Variants in BPTF observed in about 807,000 individuals in gnomAD.
BPTF encodes the protein nucleosome-remodeling factor subunit BPTF.
In BPTF, 18 loss-of-function variants were observed where a neutral mutation model predicts 292.5. That is an observed-to-expected ratio of 0.06 (90% confidence interval 0.04 to 0.09). The LOEUF (loss-of-function observed/expected upper bound fraction) is 0.09. BPTF is among the 10% of genes least tolerant of loss of function. BPTF has a pLI of 1.00. For missense variants in BPTF, 2,726 were observed against 3,498.7 expected (o/e 0.78, Z 5.57); for synonymous variants, 1,225 against 1,251.9 (o/e 0.98, Z 0.45).
intron 1 of BPTF, among the ~76,000 whole-genome samples, chr17:67,852,423 T>C (rs1446850766): frequency 6.6e-6 from 1 of 151,582 alleles, no homozygotes; most frequent in Non-Finnish European, 1.5e-5. Flanking sequence ...ATATGACCTC[T>C]TAGATATATA....
Position 67,875,004 on chromosome 17 carries a change from G to A in BPTF, c.1848G>A (p.Glu616=). The A allele has an allele frequency of 1.9e-6, 3 of 1,608,504 alleles. No homozygotes were observed. The highest frequency in any genetic ancestry group is 2.5e-6 in the Non-Finnish European group (3 of 1,178,526). ...ACAAAACACCAGATGATGACCCTGA[G>A]CAAGGAAAATCTGAGGGTAAAAAAA... ...SDDKTPDDDP[E]QGKSEVGDFK... Residue 616 remains glutamate (E), a synonymous_variant, in exon 4 of 28, where the codon GAG becomes GAA. Transcript: ENST00000306378.
At chr17:67,925,178 A>G (rs2063772471) in intron 15 of BPTF, among the ~76,000 whole-genome samples, 2 of 152,046 alleles carry the variant, frequency 1.3e-5, no homozygotes, top group African/African-American at 4.8e-5. Context: ...GACATCTGAA[A>G]TAAGATTTCT....
At position 67,946,127 on chromosome 17, in the gene BPTF, C is replaced by G; in HGVS notation, c.7419C>G (p.Ile2473Met). The G allele has an allele frequency of 6.2e-7, 1 of 1,614,154 alleles. No individual in the cohort carries two copies. The highest frequency in any genetic ancestry group is 1.1e-5 in the South Asian group (1 of 91,086). ...AGCAAATCAAACTCCAGTTACCTAT[C>G]CAAATTCAGCAAAGCAGTGCTGTGC... ...VPQQIKLQLPIQIQQSSAVQT... is the reference protein window; with the variant it reads ...VPQQIKLQLPMQIQQSSAVQT... The change falls in exon 21 of 28, where the codon ATC (isoleucine) becomes ATG (methionine). Residue 2473 changes from isoleucine to methionine, a missense_variant. Physicochemically the swap from Ile to Met is conservative, Grantham distance 10. This residue lies in a region of BPTF where 570 missense variants were observed against 633.5 expected (regional missense o/e 0.90). Transcript: ENST00000306378.
chr17:67,838,667 A>G (rs563531233), intron 1 of BPTF, among the ~76,000 whole-genome samples: 6 of 152,170 alleles, frequency 3.9e-5, no homozygotes, highest in Admixed American at 6.5e-5. Context: ...TTTAGTAGAG[A>G]CGAGGTTTCA....
At position 67,915,361 on chromosome 17, in the gene BPTF, A is replaced by G. The variant is rs1397249371; in HGVS notation, c.5303+2174A>G. On this transcript the variant is annotated intron_variant, in intron 11 of 27. Coordinates refer to ENST00000306378, the MANE Select transcript of BPTF (RefSeq NM_182641.4). ...GACTGAGCTAAGGGACTTGGTAACT[A>G]CTGCAGCAAGGAGCGGGGAAAGCAT... 3.3e-5 allele frequency among the ~76,000 whole-genome samples: 5 copies of G among 152,304 alleles called. No homozygotes were observed. The East Asian group carries it at 9.6e-4, about 29-fold the overall frequency.
rs367775856 is a variant in BPTF at position 67,874,853 on chromosome 17, A to G, written c.1697A>G (p.Asp566Gly). Reference sequence around the variant, plus strand: ...GAATCCATAAGAGCCAAAAAGGGAGACATTGATAATGTTAAAAGCCCAGAA... The same window carrying G: ...GAATCCATAAGAGCCAAAAAGGGAGGCATTGATAATGTTAAAAGCCCAGAA... ...ILESIRAKKGDIDNVKSPEET... is the reference protein window; with the variant it reads ...ILESIRAKKGGIDNVKSPEET... The change falls in exon 4 of 28, where the codon GAC becomes GGC. Residue 566 changes from aspartate (D) to glycine (G), a missense_variant. Physicochemically the swap from Asp to Gly is moderately conservative, Grantham distance 94. Around this residue, in one of 22 missense-constraint regions of BPTF, gnomAD observed 187 missense variants for 201.5 expected, o/e 0.93. Coordinates refer to ENST00000306378, the MANE Select transcript of BPTF (RefSeq NM_182641.4). 15 of 1,613,204 alleles carry G rather than the reference A, an allele frequency of 9.3e-6. No individual in the cohort carries two copies. In the African/African-American group the frequency reaches 1.7e-4, roughly 19 times the overall value.
intron 26 of BPTF, chr17:67,974,863 A>C (rs2069206457): frequency 6.6e-6 from 1 of 152,206 alleles, no homozygotes; most frequent in Non-Finnish European, 1.5e-5. Context: ...TTTTTAGGAA[A>C]GCTTCATTAC....
At chr17:67,937,870 T>G (rs2065048367) in intron 18 of BPTF, among the ~76,000 whole-genome samples, 2 of 152,196 alleles carry the variant, frequency 1.3e-5, no homozygotes, top group South Asian at 4.1e-4. Context: ...ATCCCAGCCC[T>G]TAGGGAGGCC....
At chr17:67,833,238 A>G (rs371934607) in intron 1 of BPTF, among the ~76,000 whole-genome samples, 1 of 151,064 alleles carries the variant, frequency 6.6e-6, no homozygotes, top group Non-Finnish European at 1.5e-5. Flanking sequence ...TTGTATGGCT[A>G]TACAGCCTTT....
At chr17:67,905,090 T>C (rs2062087446) in intron 9 of BPTF, among the ~76,000 whole-genome samples, 1 of 152,146 alleles carries the variant, frequency 6.6e-6, no homozygotes. Flanking sequence ...CTCAGCCGCC[T>C]GATTATCATT....
chr17:67,948,677 A>C (rs1425758764), intron 23 of BPTF, among the ~76,000 whole-genome samples: 1 of 152,198 alleles, frequency 6.6e-6, no homozygotes, highest in African/African-American at 2.4e-5. Flanking sequence ...ATGAAAAATA[A>C]CATGAGTCCA....
rs943348736 is a variant in BPTF, at chr17:67,917,131, C to CTTTTTTTTTTTT, written c.5304-1575_5304-1564dup. On this transcript the variant is annotated intron_variant, in intron 11 of 27. Transcript: ENST00000306378. ...GATAAGTAACTAATATGGTATTGTC[C>CTTTTTTTTTTTT]TTTTTTTTTTTTTTTTTTTGAGATA... Among the ~76,000 whole-genome samples the CTTTTTTTTTTTT allele has an allele frequency of 2.8e-3, 296 of 105,742 alleles. 22 individuals are homozygous for CTTTTTTTTTTTT. The highest frequency in any genetic ancestry group is 6.3e-3 in the South Asian group (21 of 3,340). 69.4% of individuals were successfully genotyped at this position (105,742 alleles called of 152,430 possible).
Position 67,863,410 on chromosome 17 carries a change from A to G in BPTF, c.1437-3054A>G, listed in dbSNP as rs532727224. ...AGTGATTCTCCTGCCTCAGCCTCCC[A>G]AGTAGCTGGGACTACAGGCACATGC... is the stretch of plus-strand genomic sequence containing the variant. On this transcript the variant is annotated intron_variant, in intron 2 of 27. Coordinates refer to ENST00000306378, the MANE Select transcript of BPTF (RefSeq NM_182641.4). Among the ~76,000 whole-genome samples the G allele has an allele frequency of 6.6e-5, 10 of 152,150 alleles. No homozygotes were observed. The East Asian group carries it at 1.7e-3, about 26-fold the overall frequency.
chr17:67,833,300 A>C (rs1567858349), intron 1 of BPTF, among the ~76,000 whole-genome samples: 1 of 151,576 alleles, frequency 6.6e-6, no homozygotes, highest in Non-Finnish European at 1.5e-5. Context: ...GCTGACCTCA[A>C]ACTCCTGGAC....
Position 67,911,240 on chromosome 17 carries a change from C to G in BPTF, c.3356C>G (p.Ser1119Trp). The change falls in exon 11 of 28, where the codon TCG becomes TGG. Residue 1119 changes from serine to tryptophan, a missense_variant. Transcript: ENST00000306378. ...GCAAAAGAAGGGTGTCAGAGTGACT[C>G]GATGAGACAAGAACAGAGCCCAAAT... Reference protein sequence around the residue: ...TKAKEGCQSDSMRQEQSPNAN... With the variant: ...TKAKEGCQSDWMRQEQSPNAN... The G allele has an allele frequency of 6.2e-7, 1 of 1,613,904 alleles. No individual in the cohort carries two copies.
At chr17:67,927,760 A>G (rs966470993) in intron 15 of BPTF, among the ~76,000 whole-genome samples, 1 of 152,232 alleles carries the variant, frequency 6.6e-6, no homozygotes, top group South Asian at 2.1e-4. Context: ...ATTTTCTGCT[A>G]TGAACAGCTT....
In BPTF at chr17:67,922,909, A is replaced by G. The variant is rs2063554236; in HGVS notation, c.5627A>G (p.Lys1876Arg). The change falls in exon 14 of 28, where the codon AAG becomes AGG. Residue 1876 changes from lysine to arginine, a missense_variant. Physicochemically the swap from Lys to Arg is conservative, Grantham distance 26. Coordinates refer to ENST00000306378, the MANE Select transcript of BPTF (RefSeq NM_182641.4). ...ALRPKRPETP[K>R]QTGPVIIETW... is the part of the protein sequence containing the mutation. ...CGGCCAAAGAGACCAGAAACGCCCAAGCAAACTGGCCCTGTTATTATTGAA... is the reference window on the plus strand; with the variant it reads ...CGGCCAAAGAGACCAGAAACGCCCAGGCAAACTGGCCCTGTTATTATTGAA... 6.2e-7 allele frequency: 1 copy of G among 1,614,210 alleles called. No individual in the cohort carries two copies. Among genetic ancestry groups the G allele is most frequent in the African/African-American group, 1.3e-5 (1 of 75,054 alleles).
Position 67,928,604 on chromosome 17 carries a change from A to G in BPTF, c.5998+3A>G, listed in dbSNP as rs758753172. 2 of 1,604,730 alleles carry G rather than the reference A, an allele frequency of 1.2e-6. No individual in the cohort carries two copies. On this transcript the variant is annotated splice_donor_region_variant and intron_variant, in intron 16 of 27. Transcript: ENST00000306378. ...TAAGCAAGGCCAGTCAAATTCAGGT[A>G]TGGAACTATCATTAAGTAAAAGATT...
intron 4 of BPTF, among the ~76,000 whole-genome samples, chr17:67,878,845 A>C (rs944500653): frequency 6.6e-6 from 1 of 151,980 alleles, no homozygotes; most frequent in African/African-American, 2.4e-5. Flanking sequence ...TAGAAGCAGA[A>C]GTATCTACAC....
Sources: gnomAD v4.1 joint callset for allele counts (sites outside exome capture counted in the v4.1 genomes callset) on GRCh38, gnomAD v4.1.1 for gene constraint, gnomAD v4.1.1 regional missense constraint, MANE v1.5 for transcripts, NCBI Gene and HGNC (gene_info 2026-07-23, HGNC 2026-07-21) for gene names.